The following TLK2 variants were observed in gnomAD, a reference collection of about 807,000 sequenced individuals.
The protein encoded by TLK2 is serine/threonine-protein kinase tousled-like 2.
TLK2 carries 6 observed loss-of-function variants against 117.3 expected under a neutral mutation model. That is an observed-to-expected ratio of 0.05 (90% CI 0.03 to 0.10). TLK2 has a LOEUF of 0.10. Among genes scored for constraint, TLK2 ranks in the 10% least tolerant of loss-of-function variants. TLK2 has a pLI of 1.00. For missense variants in TLK2, 299 were observed against 901.2 expected, an observed-to-expected ratio of 0.33 and a Z score of 8.56; for synonymous variants, 257 against 316.7, an observed-to-expected ratio of 0.81 and a Z score of 2.00.
At chr17:62,516,432 C>G in intron 2 of TLK2, 1 of 1,591,950 alleles carries the variant, frequency 6.3e-7, no homozygotes, top group Middle Eastern at 1.9e-4. Context: ...GCACAGCACT[C>G]CTCATATACA....
At chr17:62,569,554 A>G (rs1025598656) in intron 11 of TLK2, among the ~76,000 whole-genome samples, 4 of 147,180 alleles carry the variant, frequency 2.7e-5, no homozygotes, top group African/African-American at 5.0e-5. Flanking sequence ...TCCTGCCTCA[A>G]CCTCCTGAGT....
intron 9 of TLK2, among the ~76,000 whole-genome samples, chr17:62,557,302 G>C (rs565787277): frequency 6.6e-6 from 1 of 151,930 alleles, no homozygotes; most frequent in East Asian, 1.9e-4. Context: ...ATATTCTCTA[G>C]GGTTTTTGGT....
chr17:62,609,776 CT>C (rs1247123403), intron 21 of TLK2, among the ~76,000 whole-genome samples: 23 of 152,188 alleles, frequency 1.5e-4, no homozygotes, highest in African/African-American at 5.5e-4. Context: ...TTTTAAGCTG[CT>C]TTTCCTTATC....
At chr17:62,570,779 G>A (rs2146565824) in intron 11 of TLK2, among the ~76,000 whole-genome samples, 1 of 152,222 alleles carries the variant, frequency 6.6e-6, no homozygotes, top group Middle Eastern at 3.4e-3. Flanking sequence ...TGGCTGTGGG[G>A]AGCATTTCTT....
At chr17:62,516,614 G>T in intron 2 of TLK2, 1 of 1,610,266 alleles carries the variant, frequency 6.2e-7, no homozygotes, top group Admixed American at 1.7e-5. Context: ...CGGCACTTGA[G>T]AGACTGCATG....
At chr17:62,487,089 C>A (rs990229422) in intron 2 of TLK2, among the ~76,000 whole-genome samples, 11 of 152,194 alleles carry the variant, frequency 7.2e-5, no homozygotes, top group Admixed American at 2.0e-4. Context: ...GTCAGGAGAT[C>A]GAGACCGTCC....
chr17:62,559,392 T>A (rs2079091586), intron 9 of TLK2, among the ~76,000 whole-genome samples: 1 of 151,904 alleles, frequency 6.6e-6, no homozygotes, highest in Admixed American at 6.6e-5. Flanking sequence ...TTTATTTTTT[T>A]TTTTGAGATG....
chr17:62,576,823 A>C, intron 13 of TLK2, 48 bp downstream of exon 13: 1 of 1,473,562 alleles, frequency 6.8e-7, no homozygotes, highest in Non-Finnish European at 9.5e-7. Context: ...TACCTAGTTT[A>C]AATTTGGGGT....
chr17:62,608,844 AT>A (rs1429605838), intron 21 of TLK2, among the ~76,000 whole-genome samples: 1 of 81,954 alleles, frequency 1.2e-5, no homozygotes, highest in Non-Finnish European at 2.6e-5. Context: ...TGGTGAGGGC[AT>A]AAAAAACTCG....
intron 9 of TLK2, among the ~76,000 whole-genome samples, chr17:62,554,384 G>A (rs1015281594): frequency 6.6e-6 from 1 of 152,056 alleles, no homozygotes; most frequent in African/African-American, 2.4e-5. Context: ...GGACCACCCT[G>A]GCCAACATGG....
chr17:62,608,559 GTCTGT>G (rs1457306792), intron 21 of TLK2, among the ~76,000 whole-genome samples: 3 of 152,162 alleles, frequency 2.0e-5, no homozygotes, highest in Non-Finnish European at 2.9e-5. Context: ...ATTTGTATTA[GTCTGT>G]TCTCATGCTG....
chr17:62,528,630 T>C (rs1382098964), intron 6 of TLK2, among the ~76,000 whole-genome samples: 1 of 152,100 alleles, frequency 6.6e-6, no homozygotes. Flanking sequence ...TTGGCCAGGC[T>C]GGCCTCTATC....
intron 2 of TLK2, among the ~76,000 whole-genome samples, chr17:62,504,992 C>T (rs1424819065): frequency 1.3e-5 from 2 of 151,950 alleles, no homozygotes; most frequent in African/African-American, 4.8e-5. Flanking sequence ...TACAGGCGTG[C>T]GCCACCATGC....
intron 2 of TLK2, among the ~76,000 whole-genome samples, chr17:62,504,775 C>G (rs1446788738): frequency 6.6e-6 from 1 of 152,158 alleles, no homozygotes; most frequent in African/African-American, 2.4e-5. Flanking sequence ...CACCACTGCA[C>G]TGAGCCTGGG....
intron 6 of TLK2, among the ~76,000 whole-genome samples, chr17:62,527,519 A>C (rs1398652989): frequency 6.6e-6 from 1 of 151,758 alleles, no homozygotes; most frequent in South Asian, 2.1e-4. Flanking sequence ...CTGACCTCTA[A>C]CAACATAGAT....
intron 2 of TLK2, among the ~76,000 whole-genome samples, chr17:62,509,451 C>G (rs986572364): frequency 7.2e-5 from 11 of 152,176 alleles, no homozygotes; most frequent in Admixed American, 2.6e-4. Flanking sequence ...GTAAACAACT[C>G]TGACAGCAAA....
chr17:62,520,724 ATCC>A, intron 2 of TLK2, 46 bp from the exon 3 acceptor site: 1 of 1,533,620 alleles, frequency 6.5e-7, no homozygotes, highest in Admixed American at 2.0e-5. Context: ...CAGTTTTGCT[ATCC>A]TCTTAGGATT....
intron 10 of TLK2, among the ~76,000 whole-genome samples, chr17:62,563,042 C>T (rs1193267372): frequency 2.6e-5 from 4 of 152,156 alleles, no homozygotes; most frequent in Non-Finnish European, 5.9e-5. Context: ...AAAGTGGAAA[C>T]ATCCTAGGTG....
intron 19 of TLK2, among the ~76,000 whole-genome samples, chr17:62,605,118 G>A (rs971913389): frequency 6.6e-6 from 1 of 151,930 alleles, no homozygotes; most frequent in African/African-American, 2.4e-5. Flanking sequence ...ACGAGGTCAG[G>A]AAATCGAGAC....
Sources: gnomAD v4.1 joint callset for allele counts (sites outside exome capture counted in the v4.1 genomes callset) on GRCh38, gnomAD v4.1.1 for gene constraint, MANE v1.5 for transcripts, NCBI Gene and HGNC (gene_info 2026-07-23, HGNC 2026-07-21) for gene names.